The following POTEF variants were observed in gnomAD, a reference collection of about 807,000 sequenced individuals.
The protein encoded by POTEF is ANKRD26-like family C member 1B.
In POTEF, 20 loss-of-function variants were observed where a neutral mutation model predicts 83.2. That is an observed-to-expected ratio of 0.24 (90% CI 0.17 to 0.35). The LOEUF is 0.35. Ranked by LOEUF, POTEF falls within the 10% of genes least tolerant of loss-of-function variation. The pLI is 1.00. For synonymous variants in POTEF, 196 were observed against 446.4 expected (o/e 0.44, Z 7.07); for missense variants, 550 against 1,203.2 (o/e 0.46, Z 8.03).
intron 16 of POTEF, among the ~76,000 whole-genome samples, chr2:130,075,803 A>C (rs921524836): frequency 2.7e-4 from 40 of 146,800 alleles, no homozygotes; most frequent in African/African-American, 1.0e-3. Context: ...ATCTGCTCCT[A>C]AATTCCTAAA....
At chr2:130,109,965 G>A (rs1414776830) in intron 7 of POTEF, among the ~76,000 whole-genome samples, 3 of 151,458 alleles carry the variant, frequency 2.0e-5, no homozygotes, top group African/African-American at 7.3e-5. Context: ...ATGAAGACTT[G>A]AGGGATCTGA....
At chr2:130,103,156 A>C (rs1468779888) in intron 8 of POTEF, among the ~76,000 whole-genome samples, 1 of 140,110 alleles carries the variant, frequency 7.1e-6, no homozygotes, top group East Asian at 2.1e-4. Context: ...GCTGGAGTGC[A>C]GTGGCGCAAT....
At chr2:130,108,805 G>A (rs1684621311) in intron 7 of POTEF, among the ~76,000 whole-genome samples, 2 of 148,184 alleles carry the variant, frequency 1.3e-5, no homozygotes, top group Non-Finnish European at 3.0e-5. Flanking sequence ...ATCACACCAA[G>A]GGCAGAAAAA....
intron 2 of POTEF, among the ~76,000 whole-genome samples, chr2:130,127,112 G>A (rs1339201892): frequency 3.3e-5 from 5 of 151,654 alleles, no homozygotes; most frequent in Admixed American, 2.0e-4. Context: ...ATGAGGTCAG[G>A]TGATCTAGAC....
At chr2:130,124,773 AGGAGTCCCAGGT>A (rs1330953477) in intron 2 of POTEF, among the ~76,000 whole-genome samples, 1 of 113,154 alleles carries the variant, frequency 8.8e-6, no homozygotes, top group African/African-American at 3.4e-5. Context: ...TTTTTCCTTA[AGGAGTCCCAGGT>A]TGTCAGAAAT....
chr2:130,110,422 C>A, intron 7 of POTEF, 121 bp downstream of exon 7: 1 of 1,587,742 alleles, frequency 6.3e-7, no homozygotes, highest in Admixed American at 1.7e-5. Context: ...CTAAAACTCA[C>A]TGCCACGCGA....
At chr2:130,076,234 G>A (rs1464264314) in intron 16 of POTEF, among the ~76,000 whole-genome samples, 4 of 129,312 alleles carry the variant, frequency 3.1e-5, no homozygotes, top group African/African-American at 6.1e-5. Context: ...ATTTAAGATC[G>A]CGATTCTTAA....
chr2:130,127,565 G>A (rs1468296399), intron 2 of POTEF, 144 bp downstream of exon 2: 2 of 151,658 alleles, frequency 1.3e-5, no homozygotes, highest in East Asian at 3.9e-4. Flanking sequence ...GGGCCCTGCA[G>A]TGCTCCTACT....
intron 8 of POTEF, 168 bp downstream of exon 8, chr2:130,107,841 T>C (rs1303327845): frequency 3.2e-6 from 2 of 623,904 alleles, no homozygotes; most frequent in Admixed American, 6.2e-5. Flanking sequence ...TATATTACAA[T>C]GTGATAATAA....
intron 5 of POTEF, among the ~76,000 whole-genome samples, chr2:130,112,637 A>AAG (rs1684742690): frequency 1.5e-5 from 2 of 132,456 alleles, no homozygotes; most frequent in Middle Eastern, 3.5e-3. Context: ...ATTTGTATTT[A>AAG]ATTTTCCCAG....
At position 130,116,617 on chromosome 2, in the gene POTEF, T is replaced by G. The variant is rs539086993; in HGVS notation, c.522-1289A>C. Among the ~76,000 whole-genome samples, 5 of 95,308 alleles carry G rather than the reference T, an allele frequency of 5.2e-5. No homozygotes were observed. The East Asian group carries it at 1.3e-3, about 25-fold the overall frequency. 62.5% of individuals were successfully genotyped at this position (95,308 alleles called of 152,430 possible). Reference sequence around the variant, plus strand: ...GAACATGCAATATTTGGTTTTCTCTTCCTTTGTTAGTTTGCTAAGGATAAT... The same window carrying G: ...GAACATGCAATATTTGGTTTTCTCTGCCTTTGTTAGTTTGCTAAGGATAAT... On this transcript the variant is annotated intron_variant, in intron 3 of 16. Transcript: ENST00000409914.
chr2:130,107,507 A>G (rs1023675009), intron 8 of POTEF, among the ~76,000 whole-genome samples: 6 of 151,040 alleles, frequency 4.0e-5, no homozygotes, highest in Non-Finnish European at 8.8e-5. Flanking sequence ...ACTATTATGA[A>G]CCACACCACA....
At chr2:130,103,286 A>G (rs1476745418) in intron 8 of POTEF, among the ~76,000 whole-genome samples, 1 of 150,206 alleles carries the variant, frequency 6.7e-6, no homozygotes, top group Non-Finnish European at 1.5e-5. Flanking sequence ...TGTTTTTAGT[A>G]GAGACGGGGT....
intron 2 of POTEF, among the ~76,000 whole-genome samples, chr2:130,121,302 T>C (rs867564241): frequency 3.4e-5 from 5 of 146,860 alleles, no homozygotes; most frequent in African/African-American, 1.3e-4. Flanking sequence ...GAGAAGCCTC[T>C]GGTGAAAAAA....
intron 11 of POTEF, among the ~76,000 whole-genome samples, chr2:130,097,581 T>TTA (rs1196846291): frequency 6.9e-6 from 1 of 144,256 alleles, no homozygotes; most frequent in Non-Finnish European, 1.5e-5. Context: ...CATAAGCTGA[T>TTA]TATCATTTTA....
intron 3 of POTEF, among the ~76,000 whole-genome samples, chr2:130,116,062 G>GC (rs1369241894): frequency 6.6e-6 from 1 of 152,072 alleles, no homozygotes; most frequent in African/African-American, 2.4e-5. Flanking sequence ...CAGATGACCA[G>GC]CATTTAGATA....
In POTEF at chr2:130,110,487, A is replaced by G. The variant is rs899725896; in HGVS notation, c.1055+56T>C. The G allele has an allele frequency of 1.5e-5, 17 of 1,152,766 alleles. No individual in the cohort carries two copies. The Admixed American group carries it at 3.1e-4, about 21-fold the overall frequency. 71.4% of individuals were successfully genotyped at this position (1,152,766 alleles called of 1,614,324 possible). A position where few individuals can be genotyped will look rare whatever the true frequency, so the allele number is the denominator to read the frequency against. The stretch of plus-strand genomic sequence containing the variant: ...ACCTGATATGTGAGATGCAACTGTT[A>G]TAATTATTTTAAACCTCAATTCAGC... On this transcript the variant is annotated intron_variant, in intron 7 of 16. Transcript: ENST00000409914.
At chr2:130,105,958 G>C (rs1268904188) in intron 8 of POTEF, among the ~76,000 whole-genome samples, 33 of 150,868 alleles carry the variant, frequency 2.2e-4, no homozygotes, top group Admixed American at 5.9e-4. Flanking sequence ...GCCTGGTTTG[G>C]GAATGAGCAT....
At chr2:130,118,770 TC>T (rs1251589575) in intron 3 of POTEF, among the ~76,000 whole-genome samples, 5 of 151,986 alleles carry the variant, frequency 3.3e-5, no homozygotes, top group South Asian at 4.1e-4. Context: ...GGTATGTTTC[TC>T]TTTTTGTATA....
Sources: allele counts gnomAD v4.1 joint callset (sites outside exome capture counted in the v4.1 genomes callset), GRCh38; gene constraint gnomAD v4.1.1; transcripts MANE v1.5; gene names NCBI Gene and HGNC (gene_info 2026-07-23, HGNC 2026-07-21).